Variants in THBS4 observed in about 807,000 individuals in gnomAD.
THBS4 encodes thrombospondin-4.
A neutral mutation model predicts 115.7 loss-of-function variants in THBS4; 90 were observed. The observed-to-expected ratio is 0.78, with a 90% CI of 0.66 to 0.93. The LOEUF is 0.93. Among genes scored for constraint, THBS4 ranks in the 40% least tolerant of loss-of-function variants. THBS4 has a pLI of 0.00. For missense variants in THBS4, 1,087 were observed against 1,232.7 expected, an observed-to-expected ratio of 0.88 and a Z score of 1.77; for synonymous variants, 460 against 479.3, an observed-to-expected ratio of 0.96 and a Z score of 0.53.
intron 1 of THBS4, among the ~76,000 whole-genome samples, chr5:80,038,953 A>G (rs1832803866): frequency 6.6e-6 from 1 of 152,212 alleles, no homozygotes; most frequent in Admixed American, 6.5e-5. Context: ...TCGATGGTGA[A>G]AACAATACGT....
At chr5:80,065,623 A>G (rs1833792167) in intron 9 of THBS4, 146 bp downstream of exon 9, 1 of 586,328 alleles carries the variant, frequency 1.7e-6, no homozygotes, top group Non-Finnish European at 2.8e-6. Flanking sequence ...GTTTGTGCTG[A>G]AAAAGTGTTT....
At chr5:80,014,608 G>A (rs1331530296) in intron 2 of THBS4, among the ~76,000 whole-genome samples, 1 of 152,214 alleles carries the variant, frequency 6.6e-6, no homozygotes. Context: ...CTGATACCAT[G>A]GAGTAGCTGC....
chr5:80,024,821 G>A (rs1199412956), intron 2 of THBS4, among the ~76,000 whole-genome samples: 3 of 152,198 alleles, frequency 2.0e-5, no homozygotes, highest in Non-Finnish European at 4.4e-5. Flanking sequence ...AATTCACGTA[G>A]TGTGCCCCAG....
chr5:80,071,164 T>C lies in THBS4; in HGVS notation c.1704T>C (p.Asp568=). The C allele has an allele frequency of 6.3e-7, 1 of 1,587,244 alleles. No homozygotes were observed. Among genetic ancestry groups the C allele is most frequent in the Non-Finnish European group, 8.5e-7 (1 of 1,171,610 alleles). The part of the protein sequence containing the change: ...DGDGRGDACD[D]DMDGDGIKNI... ...ATGGAAGAGGAGATGCCTGTGATGA[T>C]GACATGGATGGAGATGGTAGATTTA... Residue 568 remains aspartate (D), a synonymous_variant, in exon 13 of 22, where the codon GAT becomes GAC. Transcript: ENST00000350881.
At chr5:80,056,896 G>A (rs974884678) in intron 3 of THBS4, among the ~76,000 whole-genome samples, 4 of 152,164 alleles carry the variant, frequency 2.6e-5, no homozygotes, top group African/African-American at 9.7e-5. Flanking sequence ...GTACAGAGAA[G>A]CAGGGTGTAA....
upstream of THBS4, among the ~76,000 whole-genome samples, chr5:80,034,693 A>G (rs1187769584): frequency 6.6e-6 from 1 of 152,256 alleles, no homozygotes; most frequent in Admixed American, 6.5e-5. Flanking sequence ...TCACCAGCCT[A>G]GAAATGGCTC....
upstream of THBS4, among the ~76,000 whole-genome samples, chr5:80,033,713 C>T (rs139786446): frequency 3.2e-4 from 48 of 152,340 alleles, no homozygotes; most frequent in African/African-American, 1.0e-3. Flanking sequence ...TCACAGGCAT[C>T]CACTAGGCTT....
intron 1 of THBS4, among the ~76,000 whole-genome samples, chr5:79,995,750 G>A (rs1403576714): frequency 6.6e-6 from 1 of 151,750 alleles, no homozygotes; most frequent in South Asian, 2.1e-4. Flanking sequence ...ATGGGATGCT[G>A]AGTAGATAAA....
intron 2 of THBS4, among the ~76,000 whole-genome samples, chr5:80,047,487 T>C (rs1833106178): frequency 6.6e-6 from 1 of 151,990 alleles, no homozygotes; most frequent in South Asian, 2.1e-4. Context: ...ACAGAAGACA[T>C]GAAAAATATG....
chr5:80,041,241 A>C (rs1011617805), intron 2 of THBS4, among the ~76,000 whole-genome samples: 2 of 152,162 alleles, frequency 1.3e-5, no homozygotes, highest in Admixed American at 6.5e-5. Context: ...GACAGACAGC[A>C]AGCTCTCTTG....
At chr5:80,060,549 C>T (rs1377499843) in intron 7 of THBS4, among the ~76,000 whole-genome samples, 1 of 152,098 alleles carries the variant, frequency 6.6e-6, no homozygotes, top group Non-Finnish European at 1.5e-5. Context: ...CACATGAGCC[C>T]AGGAGTTTGA....
At position 80,080,057 on chromosome 5, in the gene THBS4, G is replaced by T. The variant is rs1472976201; in HGVS notation, c.2664G>T (p.Arg888Ser). Residue 888 changes from arginine to serine, a missense_variant, in exon 20 of 22, where the codon AGG (arginine) becomes AGT (serine). Arg to Ser is a moderately radical substitution (Grantham distance 110). Coordinates refer to ENST00000350881, the MANE Select transcript of THBS4 (RefSeq NM_003248.6). ...KVSYRWFLQH[R>S]PQVGYIRVRF... ...CCTACCGCTGGTTCCTACAGCACAG[G>T]CCCCAGGTGGGCTACATCAGGTAGG... The T allele has an allele frequency of 3.1e-6, 5 of 1,613,954 alleles. No individual in the cohort carries two copies. The highest frequency in any genetic ancestry group is 4.2e-6 in the Non-Finnish European group (5 of 1,179,936).
At chr5:80,080,902 C>T (rs1241227219) in intron 20 of THBS4, among the ~76,000 whole-genome samples, 3 of 152,078 alleles carry the variant, frequency 2.0e-5, no homozygotes, top group Non-Finnish European at 4.4e-5. Context: ...ATTATTTTAT[C>T]TTGATCTCCC....
At chr5:80,035,026 T>G (rs1451407775), upstream of THBS4, among the ~76,000 whole-genome samples, 2 of 152,018 alleles carry the variant, frequency 1.3e-5, no homozygotes, top group Non-Finnish European at 2.9e-5. The surrounding 1 kb of genome is among the most constrained non-coding windows in gnomAD (Gnocchi z 4.6). Flanking sequence ...TCAGTGTCAC[T>G]TTCTTCCTCC....
At chr5:80,003,538 A>G (rs1580902549) in intron 2 of THBS4, among the ~76,000 whole-genome samples, 1 of 152,200 alleles carries the variant, frequency 6.6e-6, no homozygotes, top group East Asian at 1.9e-4. Context: ...TGGTATTCTC[A>G]TCTCTACTTC....
At chr5:80,010,997 A>T (rs1360901821) in intron 2 of THBS4, among the ~76,000 whole-genome samples, 1 of 152,254 alleles carries the variant, frequency 6.6e-6, no homozygotes, top group East Asian at 1.9e-4. Flanking sequence ...CTGTGTCCCC[A>T]CCCCAATCTC....
intron 2 of THBS4, among the ~76,000 whole-genome samples, chr5:79,998,655 T>C (rs1831843629): frequency 6.6e-6 from 1 of 152,218 alleles, no homozygotes; most frequent in Non-Finnish European, 1.5e-5. Flanking sequence ...GATGTTACAA[T>C]TGGGGGAAAC....
chr5:80,042,715 C>T (rs1832941866), intron 2 of THBS4, among the ~76,000 whole-genome samples: 1 of 152,168 alleles, frequency 6.6e-6, no homozygotes, highest in South Asian at 2.1e-4. Flanking sequence ...GCTGTAATCC[C>T]AGCACTTTGG....
chr5:80,015,071 T>C (rs940009716), intron 2 of THBS4, among the ~76,000 whole-genome samples: 5 of 152,268 alleles, frequency 3.3e-5, no homozygotes, highest in Non-Finnish European at 7.3e-5. Flanking sequence ...TAAGAAATCT[T>C]TTAATGGAAA....
Sources: gnomAD v4.1 joint callset for allele counts (sites outside exome capture counted in the v4.1 genomes callset) on GRCh38, gnomAD v4.1.1 for gene constraint, Gnocchi (gnomAD v3.1) non-coding constraint, MANE v1.5 for transcripts, NCBI Gene and HGNC (gene_info 2026-07-23, HGNC 2026-07-21) for gene names.